Variants in CD163L1 observed in about 807,000 individuals in gnomAD.
The protein encoded by CD163L1 is scavenger receptor cysteine-rich type 1 protein M160.
Under a neutral mutation model 165.4 loss-of-function variants are expected in CD163L1, and 124 were observed. The observed-to-expected ratio is 0.75, with a 90% CI of 0.65 to 0.87. The LOEUF (loss-of-function observed/expected upper bound fraction) is 0.87, where lower values mean the gene tolerates loss of function less well. Ranked by LOEUF, CD163L1 falls within the 40% of genes least tolerant of loss-of-function variation. CD163L1 has a pLI of 0.00. For synonymous variants in CD163L1, 585 were observed against 662.2 expected, an observed-to-expected ratio of 0.88 and a Z score of 1.79; for missense variants, 1,525 against 1,799.9, an observed-to-expected ratio of 0.85 and a Z score of 2.76.
At chr12:7,382,680 G>T (rs1053975453) in intron 8 of CD163L1, among the ~76,000 whole-genome samples, 5 of 152,126 alleles carry the variant, frequency 3.3e-5, no homozygotes, top group Non-Finnish European at 7.4e-5. Context: ...TGTTCCAGAG[G>T]GGGAGTTTGT....
chr12:7,383,743 T>A (rs1221814902), intron 8 of CD163L1, among the ~76,000 whole-genome samples: 33 of 152,192 alleles, frequency 2.2e-4, no homozygotes, highest in Admixed American at 2.2e-3. Flanking sequence ...GAGATTACAC[T>A]ATAGCATGCA....
At chr12:7,426,470 T>C (rs781412176) in intron 4 of CD163L1, among the ~76,000 whole-genome samples, 14 of 151,692 alleles carry the variant, frequency 9.2e-5, no homozygotes, top group African/African-American at 3.1e-4. Flanking sequence ...AATAAATAAA[T>C]AAATAATAAA....
chr12:7,336,249 G>C, the CD163L1 span, among the ~76,000 whole-genome samples: 2 of 141,198 alleles, frequency 1.4e-5, no homozygotes, highest in African/African-American at 2.7e-5. Context: ...CAAAGACTTG[G>C]AACCAACACA....
intron 17 of CD163L1, 66 bp from the exon 18 acceptor site, chr12:7,367,397 T>A (rs1367010311): frequency 4.0e-6 from 4 of 1,011,428 alleles, no homozygotes; most frequent in Non-Finnish European, 4.6e-6. Flanking sequence ...TTAGGACACT[T>A]AATGCTAAGG....
At chr12:7,344,056 C>G (rs935769041), downstream of CD163L1, among the ~76,000 whole-genome samples, 2 of 151,976 alleles carry the variant, frequency 1.3e-5, no homozygotes, top group Non-Finnish European at 2.9e-5. Context: ...GTCTGAAACC[C>G]CAGCAGGGCA....
At chr12:7,327,013 A>G in the CD163L1 span, 2 of 1,612,782 alleles carry the variant, frequency 1.2e-6, no homozygotes, top group Non-Finnish European at 1.7e-6. Context: ...GCACCCTTTA[A>G]GTCCTACAAC....
At position 7,396,356 on chromosome 12, in the gene CD163L1, C is replaced by T. The variant is rs1203041747; in HGVS notation, c.1789G>A (p.Glu597Lys). The T allele has an allele frequency of 1.1e-5, 17 of 1,613,078 alleles. No individual in the cohort carries two copies. Among genetic ancestry groups the T allele is most frequent in the Non-Finnish European group, 1.4e-5 (17 of 1,179,238 alleles). ...CCCCACCGTCCTTGAAAGTACACCT[C>T]CAGTCTTCCCGAGCAGCGGTTGCTG... is the stretch of plus-strand genomic sequence containing the variant. ...GGSNRCSGRL[E>K]VYFQGRWGTV... The change falls in exon 8 of 20, where the codon GAG (glutamate) becomes AAG (lysine). Residue 597 changes from glutamate (E) to lysine (K), a missense_variant. Coordinates refer to ENST00000313599, the MANE Select transcript of CD163L1 (RefSeq NM_174941.6).
chr12:7,439,948 G>C, intron 2 of CD163L1: 3 of 1,580,574 alleles, frequency 1.9e-6, no homozygotes, highest in Non-Finnish European at 2.6e-6. Flanking sequence ...AGCTGACACA[G>C]GGGCTGCGGT....
intron 4 of CD163L1, among the ~76,000 whole-genome samples, chr12:7,422,790 C>T (rs988235353): frequency 6.7e-6 from 1 of 149,014 alleles, no homozygotes; most frequent in Non-Finnish European, 1.5e-5. Flanking sequence ...TATATATACA[C>T]ACAGGTGCAC....
rs757923669 is a variant in CD163L1 at position 7,375,582 on chromosome 12, G to T, written c.2700C>A (p.Val900=). Residue 900 remains valine, a synonymous_variant, in exon 11 of 20, where the codon GTC becomes GTA. Transcript: ENST00000313599. The part of the protein sequence containing the change: ...VGVVCSRYTD[V]RLVNGKSQCD... ...ACTGGGATTTGCCATTCACAAGTCG[G>T]ACATCTGTATATCCTAGGAGGAGAC... 7 of 1,612,616 alleles carry T rather than the reference G, an allele frequency of 4.3e-6. No individual in the cohort carries two copies. The highest frequency in any genetic ancestry group is 5.9e-6 in the Non-Finnish European group (7 of 1,179,982).
intron 1 of CD163L1, among the ~76,000 whole-genome samples, chr12:7,442,153 TATC>T (rs1280913536): frequency 2.6e-5 from 4 of 152,204 alleles, no homozygotes; most frequent in Non-Finnish European, 4.4e-5. Context: ...AAATAATATT[TATC>T]ATCCTGTTTA....
At chr12:7,441,861 T>C (rs1322359425) in intron 1 of CD163L1, among the ~76,000 whole-genome samples, 4 of 152,200 alleles carry the variant, frequency 2.6e-5, no homozygotes, top group Admixed American at 2.6e-4. Flanking sequence ...ATTCTATTAT[T>C]CCTACAGAAT....
chr12:7,388,382 G>A (rs1241397459), intron 8 of CD163L1, among the ~76,000 whole-genome samples: 2 of 152,168 alleles, frequency 1.3e-5, no homozygotes, highest in Non-Finnish European at 2.9e-5. Context: ...ATCTAACAGA[G>A]TGCTAATATC....
intron 6 of CD163L1, among the ~76,000 whole-genome samples, chr12:7,401,033 T>C (rs1384464500): frequency 6.6e-6 from 1 of 152,190 alleles, no homozygotes; most frequent in Non-Finnish European, 1.5e-5. Flanking sequence ...AAAGCTGTCA[T>C]TTGTTATCAA....
rs200327052 is a variant in CD163L1 at position 7,369,650 on chromosome 12, C to T, written c.3746G>A (p.Arg1249His). 1.5e-4 allele frequency: 247 copies of T among 1,613,620 alleles called. 1 individual carries two copies. The highest frequency in any genetic ancestry group is 4.8e-4 in the Admixed American group (29 of 60,010). ...CCCAGAGCACTCGGTGTCTCCTCCA[C>T]GCACTCTTATTCTATCTACAAAGGC... ...WITCEDRIRV[R>H]GGDTECSGRV... Residue 1249 changes from arginine (R) to histidine (H), a missense_variant, in exon 15 of 20, where the codon CGT (arginine) becomes CAT (histidine). Coordinates refer to ENST00000313599, the MANE Select transcript of CD163L1 (RefSeq NM_174941.6). The surrounding 1 kb of genome is among the most constrained non-coding windows in gnomAD (Gnocchi z 4.9).
At chr12:7,381,855 A>G (rs1053232311) in intron 8 of CD163L1, among the ~76,000 whole-genome samples, 1 of 151,920 alleles carries the variant, frequency 6.6e-6, no homozygotes, top group Admixed American at 6.6e-5. Context: ...TTGTAGCAAC[A>G]TATTCCACTC....
intron 5 of CD163L1, 118 bp downstream of exon 5, chr12:7,406,414 G>A (rs1948014891): frequency 2.2e-6 from 2 of 913,828 alleles, no homozygotes; most frequent in African/African-American, 1.7e-5. Flanking sequence ...ATCACAATTG[G>A]TTGTAACTTC....
At chr12:7,396,788 T>C (rs1947786104) in intron 7 of CD163L1, among the ~76,000 whole-genome samples, 1 of 151,904 alleles carries the variant, frequency 6.6e-6, no homozygotes, top group South Asian at 2.1e-4. Context: ...GCTTATAAAA[T>C]TGATGAACCA....
intron 4 of CD163L1, among the ~76,000 whole-genome samples, chr12:7,410,467 A>T (rs1003690492): frequency 1.3e-5 from 2 of 152,056 alleles, no homozygotes; most frequent in Non-Finnish European, 2.9e-5. Flanking sequence ...TCAGCTGGGC[A>T]TGGTGGTGTG....
Sources: gnomAD v4.1 joint callset for allele counts (sites outside exome capture counted in the v4.1 genomes callset) on GRCh38, gnomAD v4.1.1 for gene constraint, Gnocchi (gnomAD v3.1) non-coding constraint, MANE v1.5 for transcripts, NCBI Gene and HGNC (gene_info 2026-07-23, HGNC 2026-07-21) for gene names.